CEP162: variants seen among roughly 807,000 people sequenced by gnomAD.
The protein encoded by CEP162 is centrosomal protein 162.
In CEP162, 141 loss-of-function variants were observed where a neutral mutation model predicts 169.2. The observed-to-expected ratio is 0.83, with a 90% CI of 0.73 to 0.96. The LOEUF (loss-of-function observed/expected upper bound fraction) is 0.96, where lower values mean the gene tolerates loss of function less well. Ranked by LOEUF, CEP162 falls within the 40% of genes least tolerant of loss-of-function variation. The probability of loss-of-function intolerance (pLI) is 0.00; values close to 1 mark genes in which losing one functional copy is unlikely to be tolerated. For synonymous variants in CEP162, 540 were observed against 526.4 expected (o/e 1.03, Z -0.35); for missense variants, 1,600 against 1,587.2 (o/e 1.01, Z -0.14).
chr6:84,178,692 G>A (rs1056053439), intron 13 of CEP162, among the ~76,000 whole-genome samples: 1 of 151,924 alleles, frequency 6.6e-6, no homozygotes, highest in African/African-American at 2.4e-5. Flanking sequence ...TAAGTTCTAG[G>A]GTACATGTGC....
chr6:84,147,228 A>C (rs1407894282), intron 24 of CEP162, among the ~76,000 whole-genome samples: 2 of 152,102 alleles, frequency 1.3e-5, no homozygotes, highest in African/African-American at 4.8e-5. Flanking sequence ...AAGTGAAGTA[A>C]GCTAGGCACA....
chr6:84,150,200 T>C (rs765450003), intron 23 of CEP162, among the ~76,000 whole-genome samples: 4 of 151,340 alleles, frequency 2.6e-5, no homozygotes, highest in Non-Finnish European at 4.4e-5. Context: ...TCAGGACATA[T>C]TATGCTTGTA....
chr6:84,199,629 T>C (rs1038111984), intron 9 of CEP162, among the ~76,000 whole-genome samples: 3 of 151,052 alleles, frequency 2.0e-5, no homozygotes, highest in Non-Finnish European at 4.4e-5. Context: ...TAGCGATTTC[T>C]ATTACTCTTT....
intron 2 of CEP162, among the ~76,000 whole-genome samples, chr6:84,223,310 C>G (rs1293737613): frequency 6.6e-6 from 1 of 151,360 alleles, no homozygotes; most frequent in Non-Finnish European, 1.5e-5. Context: ...ACCAGCCTGA[C>G]CAACATGGTG....
chr6:84,203,276 T>C (rs1323027671), intron 7 of CEP162, among the ~76,000 whole-genome samples: 1 of 152,212 alleles, frequency 6.6e-6, no homozygotes, highest in Admixed American at 6.5e-5. Flanking sequence ...GACGTTAATG[T>C]TGTGACTAGC....
At position 84,126,485 on chromosome 6, in the gene CEP162, C is replaced by T. The variant is rs768857069; in HGVS notation, c.3898G>A (p.Glu1300Lys). The T allele has an allele frequency of 4.5e-6, 7 of 1,556,924 alleles. No individual in the cohort carries two copies. The East Asian group carries it at 1.6e-4, about 36-fold the overall frequency. Residue 1300 changes from glutamate (E) to lysine (K), a missense_variant, in exon 26 of 27, where the codon GAA becomes AAA. By Grantham distance (56) the Glu-to-Lys change is moderately conservative. Transcript: ENST00000403245. ...EITKLLEELR[E>K]AKENHTPEMK... ...TCTGGTGTATGGTTTTCTTTGGCTT[C>T]TCTCAATTCTTCTAAGAGTTTTGTA... is the stretch of plus-strand genomic sequence containing the variant.
At chr6:84,165,746 C>T (rs1024066202) in intron 18 of CEP162, among the ~76,000 whole-genome samples, 3 of 152,178 alleles carry the variant, frequency 2.0e-5, no homozygotes, top group Admixed American at 6.5e-5. Context: ...TTCTTATAAA[C>T]TCTGTTTTAT....
intron 21 of CEP162, among the ~76,000 whole-genome samples, chr6:84,160,449 A>T (rs1228419753): frequency 1.3e-5 from 2 of 152,004 alleles, no homozygotes; most frequent in Admixed American, 1.3e-4. Context: ...CATGTTCCCA[A>T]CTCAGGGATC....
At chr6:84,159,547 A>ATAT (rs2099524779) in intron 21 of CEP162, among the ~76,000 whole-genome samples, 39 of 31,938 alleles carry the variant, frequency 1.2e-3, no homozygotes, top group Non-Finnish European at 1.9e-3. Context: ...ATATATATAT[A>ATAT]TTTTTTTTTT....
Position 84,152,929 on chromosome 6 carries a change from T to C in CEP162, c.3245A>G (p.His1082Arg), listed in dbSNP as rs746518019. The C allele has an allele frequency of 1.6e-5, 26 of 1,613,656 alleles. No individual in the cohort carries two copies. In the East Asian group the frequency reaches 4.9e-4, roughly 30 times the overall value. ...GAGTCTTACTAATTTAGCTTTAGCA[T>C]GAGCCTGTTCCACCTGGAATTCTAT... is the stretch of plus-strand genomic sequence containing the variant. ...QSIEFQVEQA[H>R]AKAKLVRLNE... is the part of the protein sequence containing the mutation. Residue 1082 changes from histidine to arginine, a missense_variant, in exon 23 of 27, where the codon CAT (histidine) becomes CGT (arginine). His to Arg is a conservative substitution (Grantham distance 29). Transcript: ENST00000403245.
intron 13 of CEP162, among the ~76,000 whole-genome samples, chr6:84,184,726 G>A (rs1427511242): frequency 2.0e-5 from 3 of 151,552 alleles, no homozygotes; most frequent in Non-Finnish European, 2.9e-5. Flanking sequence ...CACTCTTTTG[G>A]TACTCTCAAT....
At chr6:84,200,966 T>A in intron 8 of CEP162, 61 bp from the exon 9 acceptor site, 1 of 1,047,120 alleles carries the variant, frequency 9.5e-7, no homozygotes, top group Non-Finnish European at 1.5e-6. Flanking sequence ...TCTGTTGATC[T>A]AATACAATTA....
intron 4 of CEP162, 77 bp from the exon 5 acceptor site, chr6:84,215,542 CATT>C (rs1018733933): frequency 1.6e-6 from 2 of 1,254,774 alleles, no homozygotes; most frequent in African/African-American, 1.5e-5. Flanking sequence ...CATTTATTGA[CATT>C]ATGTAGTAAA....
chr6:84,215,882 C>G lies in CEP162; in HGVS notation c.213G>C (p.Lys71Asn). ...CTATTTCCATAACAGGCTGAGAAGTCTTCTTTGTTTTCAAATAGCTCACAT... is the reference window on the plus strand; with the variant it reads ...CTATTTCCATAACAGGCTGAGAAGTGTTCTTTGTTTTCAAATAGCTCACAT... ...GTNVSYLKTK[K>N]TSQPVMEIEE... The change falls in exon 4 of 27, where the codon AAG becomes AAC. Residue 71 changes from lysine (K) to asparagine (N), a missense_variant. Lys to Asn is a moderately conservative substitution (Grantham distance 94). Coordinates refer to ENST00000403245, the MANE Select transcript of CEP162 (RefSeq NM_014895.4). The G allele has an allele frequency of 6.3e-7, 1 of 1,577,658 alleles. No homozygotes were observed. Among genetic ancestry groups the G allele is most frequent in the Non-Finnish European group, 8.6e-7 (1 of 1,160,412 alleles).
intron 3 of CEP162, among the ~76,000 whole-genome samples, chr6:84,218,559 TG>T (rs1588894540): frequency 6.6e-6 from 1 of 152,242 alleles, no homozygotes; most frequent in Non-Finnish European, 1.5e-5. Flanking sequence ...AATATTCTTT[TG>T]TTCTTTGTTT....
chr6:84,193,791 T>C, intron 10 of CEP162, 101 bp from the exon 11 acceptor site: 2 of 626,538 alleles, frequency 3.2e-6, no homozygotes. Flanking sequence ...ACACAGTTAA[T>C]AAAACGGTAC....
At position 84,212,994 on chromosome 6, in the gene CEP162, G is replaced by A. The variant is rs541217621; in HGVS notation, c.534C>T (p.Asp178=). The stretch of plus-strand genomic sequence containing the variant: ...CATGTTTCGATTCATTCTCATGTTC[G>A]TCATCAGTTAGTTCTGCGTTGGCTT... The part of the protein sequence containing the change: ...SNQANAELTD[D]EHENESKHEE... Residue 178 remains aspartate (D), a synonymous_variant, in exon 6 of 27, where the codon GAC becomes GAT. Coordinates refer to ENST00000403245, the MANE Select transcript of CEP162 (RefSeq NM_014895.4). The A allele has an allele frequency of 7.7e-5, 119 of 1,554,016 alleles. No homozygotes were observed. Among genetic ancestry groups the A allele is most frequent in the African/African-American group, 2.0e-4 (15 of 73,350 alleles).
In CEP162 at chr6:84,194,965, C is replaced by T. The variant is rs755541874; in HGVS notation, c.946G>A (p.Val316Met). The T allele has an allele frequency of 3.7e-6, 6 of 1,613,482 alleles. No homozygotes were observed. The highest frequency in any genetic ancestry group is 4.5e-5 in the East Asian group (2 of 44,862). The change falls in exon 10 of 27, where the codon GTG becomes ATG. Residue 316 changes from valine (V) to methionine (M), a missense_variant. Coordinates refer to ENST00000403245, the MANE Select transcript of CEP162 (RefSeq NM_014895.4). Reference protein sequence around the residue: ...EDKQKIESNTVEDIKSSVKGH... With the variant: ...EDKQKIESNTMEDIKSSVKGH... ...TTCACTGAGCTCTTGATATCTTCCA[C>T]TGTGTTACTCTCAATTTTTTGTTTG... is the stretch of plus-strand genomic sequence containing the variant.
At chr6:84,193,792 A>G (rs908721096) in intron 10 of CEP162, 102 bp from the exon 11 acceptor site, 80 of 610,640 alleles carry the variant, frequency 1.3e-4, no homozygotes, top group Non-Finnish European at 2.2e-4. Context: ...CACAGTTAAT[A>G]AAACGGTACA....
Sources: gnomAD v4.1 joint callset for allele counts (sites outside exome capture counted in the v4.1 genomes callset) on GRCh38, gnomAD v4.1.1 for gene constraint, MANE v1.5 for transcripts, NCBI Gene and HGNC (gene_info 2026-07-23, HGNC 2026-07-21) for gene names.